The following EPHB1 variants were observed in gnomAD, a reference collection of about 807,000 sequenced individuals.
EPHB1 encodes ephrin type-B receptor 1.
A neutral mutation model predicts 94.4 loss-of-function variants in EPHB1; 30 were observed. The observed-to-expected ratio is 0.32, with a 90% CI of 0.24 to 0.43. The LOEUF is 0.43. Ranked by LOEUF, EPHB1 falls within the 20% of genes least tolerant of loss-of-function variation. The pLI is 1.00. For missense variants in EPHB1, 1,055 were observed against 1,308.3 expected (o/e 0.81, Z 2.99); for synonymous variants, 522 against 489.1 (o/e 1.07, Z -0.89).
chr3:135,065,417 A>T (rs1042241974), intron 3 of EPHB1, among the ~76,000 whole-genome samples: 1 of 152,232 alleles, frequency 6.6e-6, no homozygotes, highest in Non-Finnish European at 1.5e-5. Flanking sequence ...TAGGATTGTG[A>T]TATTTTTCTG....
chr3:135,250,138 A>C (rs76193040), intron 15 of EPHB1, among the ~76,000 whole-genome samples: 569 of 152,316 alleles, frequency 3.7e-3, no homozygotes, highest in African/African-American at 0.013. Context: ...TGTCAAATAA[A>C]TTTGGGAAAT....
intron 1 of EPHB1, among the ~76,000 whole-genome samples, chr3:134,799,676 G>C (rs1339676191): frequency 1.3e-5 from 2 of 152,212 alleles, no homozygotes; most frequent in African/African-American, 4.8e-5. Context: ...GGGCCTGCTA[G>C]GTCACACAGT....
intron 6 of EPHB1, among the ~76,000 whole-genome samples, chr3:135,157,777 C>A (rs1159460270): frequency 2.0e-5 from 3 of 152,156 alleles, no homozygotes; most frequent in African/African-American, 7.2e-5. Context: ...CCTTTTGAAA[C>A]AATGATGATA....
intron 10 of EPHB1, among the ~76,000 whole-genome samples, chr3:135,182,775 G>A (rs1350344048): frequency 2.0e-5 from 3 of 152,208 alleles, no homozygotes; most frequent in Non-Finnish European, 4.4e-5. Context: ...TGACCTTCCA[G>A]CAGTGGACAT....
intron 3 of EPHB1, among the ~76,000 whole-genome samples, chr3:135,094,851 C>T (rs1053833404): frequency 6.6e-6 from 1 of 152,242 alleles, no homozygotes; most frequent in African/African-American, 2.4e-5. Flanking sequence ...GGGCAGGAAT[C>T]TCTGGTCAGA....
At chr3:134,920,342 C>CT (rs1057058233) in intron 1 of EPHB1, among the ~76,000 whole-genome samples, 1 of 152,160 alleles carries the variant, frequency 6.6e-6, no homozygotes, top group African/African-American at 2.4e-5. Flanking sequence ...CTCTCGGCTG[C>CT]TTGCATTTAC....
intron 1 of EPHB1, among the ~76,000 whole-genome samples, chr3:134,860,149 G>GAA (rs1553858656): frequency 1.5e-5 from 1 of 65,372 alleles, no homozygotes; most frequent in Non-Finnish European, 3.1e-5. Context: ...GAGAAGGAAG[G>GAA]GACACACACA....
intron 3 of EPHB1, 79 bp from the exon 4 acceptor site, chr3:135,106,369 C>T (rs996982789): frequency 1.2e-5 from 19 of 1,520,876 alleles, no homozygotes; most frequent in Non-Finnish European, 1.7e-5. Context: ...GAGAGGAAGA[C>T]ACTCCTTTTC....
At chr3:135,236,536 G>A (rs1395050215) in intron 12 of EPHB1, among the ~76,000 whole-genome samples, 1 of 152,062 alleles carries the variant, frequency 6.6e-6, no homozygotes, top group East Asian at 1.9e-4. Flanking sequence ...ATATTGTGTG[G>A]TTTAAATTTC....
intron 3 of EPHB1, among the ~76,000 whole-genome samples, chr3:135,065,486 T>C (rs1937569604): frequency 6.6e-6 from 1 of 152,178 alleles, no homozygotes; most frequent in Non-Finnish European, 1.5e-5. Context: ...AAGTTTGTTT[T>C]GTCTGATATA....
chr3:135,022,618 A>C (rs2107755126), intron 3 of EPHB1, among the ~76,000 whole-genome samples: 1 of 152,278 alleles, frequency 6.6e-6, no homozygotes. Flanking sequence ...TTCTAGAAAA[A>C]GTATTAAATT....
intron 3 of EPHB1, among the ~76,000 whole-genome samples, chr3:135,057,789 G>A (rs1181428811): frequency 1.3e-5 from 2 of 152,210 alleles, no homozygotes; most frequent in Non-Finnish European, 2.9e-5. Context: ...ATGAAAGCGT[G>A]TCCTATGTTG....
At chr3:135,043,091 C>G (rs931808935) in intron 3 of EPHB1, among the ~76,000 whole-genome samples, 2 of 152,002 alleles carry the variant, frequency 1.3e-5, no homozygotes, top group Non-Finnish European at 2.9e-5. Context: ...ATCCACCTGC[C>G]TCAGATTCCC....
intron 3 of EPHB1, among the ~76,000 whole-genome samples, chr3:134,968,223 A>T (rs778299211): frequency 2.6e-5 from 4 of 152,242 alleles, no homozygotes; most frequent in Non-Finnish European, 5.9e-5. Flanking sequence ...GAGAATCTGC[A>T]TGTGTAGAGC....
chr3:134,911,874 A>G (rs1239372522), intron 1 of EPHB1, among the ~76,000 whole-genome samples: 1 of 151,870 alleles, frequency 6.6e-6, no homozygotes, highest in East Asian at 1.9e-4. Context: ...CAAGCCCCCC[A>G]CAGCCATCCC....
intron 1 of EPHB1, among the ~76,000 whole-genome samples, chr3:134,826,148 A>T (rs1446769662): frequency 6.7e-6 from 1 of 148,952 alleles, no homozygotes. Context: ...GCTACTCTGG[A>T]GGCTGAGGCA....
At chr3:135,188,417 C>T (rs754714122) in intron 10 of EPHB1, among the ~76,000 whole-genome samples, 3 of 152,150 alleles carry the variant, frequency 2.0e-5, no homozygotes, top group African/African-American at 4.8e-5. Flanking sequence ...ATTGCTTGAA[C>T]CCGAAAGGCC....
At chr3:135,018,723 G>A (rs1935888528) in intron 3 of EPHB1, among the ~76,000 whole-genome samples, 1 of 152,138 alleles carries the variant, frequency 6.6e-6, no homozygotes, top group Non-Finnish European at 1.5e-5. Flanking sequence ...AGCCTCGCAG[G>A]ACACAAACAG....
At chr3:135,102,269 C>T (rs924308149) in intron 3 of EPHB1, among the ~76,000 whole-genome samples, 3 of 152,202 alleles carry the variant, frequency 2.0e-5, no homozygotes, top group African/African-American at 4.8e-5. Flanking sequence ...CTCCACCACT[C>T]TGCACTGTGT....
Sources: allele counts gnomAD v4.1 joint callset (sites outside exome capture counted in the v4.1 genomes callset), GRCh38; gene constraint gnomAD v4.1.1; transcripts MANE v1.5; gene names NCBI Gene and HGNC (gene_info 2026-07-23, HGNC 2026-07-21).